Variants in DMD observed in about 807,000 individuals in gnomAD.
DMD encodes mutant dystrophin.
DMD carries 63 observed loss-of-function variants against 330.1 expected under a neutral mutation model. The ratio of observed to expected loss-of-function variants is 0.19; its 90% CI spans 0.16 to 0.24. The LOEUF (loss-of-function observed/expected upper bound fraction) is 0.24. Among genes scored for constraint, DMD ranks in the 10% least tolerant of loss-of-function variants. The probability of loss-of-function intolerance (pLI) is 1.00; values close to 1 mark genes in which losing one functional copy is unlikely to be tolerated. For missense variants in DMD, 3,344 were observed against 2,684.1 expected (o/e 1.25, Z -5.43); for synonymous variants, 1,223 against 959.8 (o/e 1.27, Z -5.07).
intron 1 of DMD, among the ~76,000 whole-genome samples, chrX:33,293,155 C>A (rs983010286): frequency 5.4e-5 from 6 of 111,254 alleles, no homozygotes; most frequent in African/African-American, 2.0e-4. Context: ...AGTAAGTATG[C>A]TCTGTGAAAA....
chrX:31,889,293 A>C (rs1251837325), intron 47 of DMD, among the ~76,000 whole-genome samples: 1 of 111,564 alleles, frequency 9.0e-6, no homozygotes, highest in Non-Finnish European at 1.9e-5. Context: ...ATAAGCATCT[A>C]ACTCCATGGT....
intron 1 of DMD, among the ~76,000 whole-genome samples, chrX:33,144,227 A>T (rs151305714): frequency 2.6e-3 from 292 of 111,187 alleles, no homozygotes; most frequent in Admixed American, 5.8e-3. Context: ...TAAAAAATTG[A>T]TCTCATGGAG....
chrX:32,031,336 T>C (rs1333995416), intron 44 of DMD, among the ~76,000 whole-genome samples: 1 of 111,401 alleles, frequency 9.0e-6, no homozygotes, highest in East Asian at 2.8e-4. Flanking sequence ...TGATTTTTAT[T>C]AGTCCACAGT....
At chrX:33,288,071 T>G (rs755025966) in intron 1 of DMD, among the ~76,000 whole-genome samples, 1 of 111,975 alleles carries the variant, frequency 8.9e-6, no homozygotes, top group African/African-American at 3.2e-5. Flanking sequence ...GTGGCCTTTT[T>G]ATTCTAGGTT....
At chrX:31,285,496 C>A (rs2053134380) in intron 62 of DMD, among the ~76,000 whole-genome samples, 1 of 112,228 alleles carries the variant, frequency 8.9e-6, no homozygotes, top group African/African-American at 3.2e-5. Context: ...GTTTCTTAGT[C>A]CTTAATGTAT....
chrX:31,925,871 CAA>C (rs1234308714), intron 47 of DMD, among the ~76,000 whole-genome samples: 3,742 of 41,148 alleles, frequency 0.091, 61 homozygotes, highest in Non-Finnish European at 0.13. Context: ...AACTCTGTCT[CAA>C]AAAAAAAAAA....
At chrX:33,051,248 A>G (rs1223557503) in intron 1 of DMD, among the ~76,000 whole-genome samples, 3 of 92,270 alleles carry the variant, frequency 3.3e-5, no homozygotes, top group African/African-American at 1.2e-4. Context: ...ATCTCCCTCT[A>G]TCGCCCAGGC....
intron 7 of DMD, among the ~76,000 whole-genome samples, chrX:32,751,961 TG>T (rs2070878672): frequency 8.9e-6 from 1 of 112,779 alleles, no homozygotes; most frequent in South Asian, 3.6e-4. Flanking sequence ...AACTGCGGTT[TG>T]GGAACCTCTG....
At chrX:32,925,174 T>TTTTTAA (rs1491270637) in intron 2 of DMD, among the ~76,000 whole-genome samples, 1 of 77,619 alleles carries the variant, frequency 1.3e-5, no homozygotes, top group African/African-American at 5.0e-5. Context: ...TTTTTTTTTT[T>TTTTTAA]AGAAAAATAA....
At chrX:32,857,151 C>T (rs1342310567) in intron 2 of DMD, among the ~76,000 whole-genome samples, 1 of 111,873 alleles carries the variant, frequency 8.9e-6, no homozygotes, top group Non-Finnish European at 1.9e-5. Flanking sequence ...AGATACTTCA[C>T]TTACCCTGAT....
chrX:32,867,765 T>C (rs1180379238), intron 2 of DMD, among the ~76,000 whole-genome samples: 4 of 112,101 alleles, frequency 3.6e-5, no homozygotes, highest in African/African-American at 1.3e-4. Flanking sequence ...TAACCAACTT[T>C]TTAAAAGATT....
At chrX:32,863,655 A>G (rs975734719) in intron 2 of DMD, among the ~76,000 whole-genome samples, 1 of 110,701 alleles carries the variant, frequency 9.0e-6, no homozygotes, top group African/African-American at 3.3e-5. Flanking sequence ...GAAATTGCAG[A>G]GAAGAAAAGT....
At chrX:32,356,545 C>T (rs1417238131) in intron 37 of DMD, among the ~76,000 whole-genome samples, 2 of 110,386 alleles carry the variant, frequency 1.8e-5, no homozygotes, top group African/African-American at 6.6e-5. Context: ...ATTTTCAAGG[C>T]CTATATGGAA....
intron 44 of DMD, among the ~76,000 whole-genome samples, chrX:32,136,321 G>T (rs752014827): frequency 1.8e-5 from 2 of 112,128 alleles, no homozygotes; most frequent in African/African-American, 6.5e-5. Flanking sequence ...TCTTTATCAT[G>T]CCCCCTGGGC....
At chrX:31,810,402 G>A (rs893362676) in intron 50 of DMD, among the ~76,000 whole-genome samples, 3 of 111,857 alleles carry the variant, frequency 2.7e-5, no homozygotes, top group Non-Finnish European at 3.8e-5. Context: ...GAACACTGTC[G>A]AAATGTACAG....
chrX:31,146,279 T>G lies in DMD; in HGVS notation c.10921+12A>C. The G allele has an allele frequency of 3.3e-6, 4 of 1,209,953 alleles. No individual in the cohort carries two copies. Among genetic ancestry groups the G allele is most frequent in the Non-Finnish European group, 4.5e-6 (4 of 894,365 alleles). Reference sequence around the variant, plus strand: ...TCAGACAACAAAATCTGAGAGTAGCTAGGACACTTACCCATGGAGTCCGAA... The same window carrying G: ...TCAGACAACAAAATCTGAGAGTAGCGAGGACACTTACCCATGGAGTCCGAA... On this transcript the variant is annotated intron_variant, in intron 76 of 78. Transcript: ENST00000357033.
At chrX:31,790,164 C>A (rs1362420658) in intron 50 of DMD, among the ~76,000 whole-genome samples, 1 of 111,766 alleles carries the variant, frequency 8.9e-6, no homozygotes, top group Non-Finnish European at 1.9e-5. Context: ...AGAACGTGAA[C>A]AGAGGCAAAG....
At chrX:32,555,673 C>A (rs997018815) in intron 16 of DMD, among the ~76,000 whole-genome samples, 2 of 111,127 alleles carry the variant, frequency 1.8e-5, no homozygotes, top group East Asian at 2.8e-4. Context: ...GAAATAAGAC[C>A]ACGCACCTAC....
intron 55 of DMD, among the ~76,000 whole-genome samples, chrX:31,610,877 G>A (rs1447661107): frequency 2.7e-5 from 3 of 111,271 alleles, no homozygotes; most frequent in Admixed American, 1.9e-4. Context: ...CATGAAAATG[G>A]TAATGGAAGC....
Sources: gnomAD v4.1 joint callset for allele counts (sites outside exome capture counted in the v4.1 genomes callset) on GRCh38, gnomAD v4.1.1 for gene constraint, MANE v1.5 for transcripts, NCBI Gene and HGNC (gene_info 2026-07-23, HGNC 2026-07-21) for gene names.